Variants in CFAP65 observed in about 807,000 individuals in gnomAD.
CFAP65 encodes the protein cilia- and flagella-associated protein 65.
CFAP65 carries 155 observed loss-of-function variants against 208.0 expected under a neutral mutation model. That is an observed-to-expected ratio of 0.75 (90% CI 0.65 to 0.85). The LOEUF is 0.85. Among genes scored for constraint, CFAP65 ranks in the 40% least tolerant of loss-of-function variants. The pLI, the probability that CFAP65 is intolerant of heterozygous loss-of-function variation, is 0.00. For missense variants in CFAP65, 2,294 were observed against 2,451.3 expected (o/e 0.94, Z 1.36); for synonymous variants, 970 against 986.3 (o/e 0.98, Z 0.31).
At position 219,010,730 on chromosome 2, in the gene CFAP65, G is replaced by A. The variant is rs775576428; in HGVS notation, c.4150-26C>T. 5 of 1,594,520 alleles carry A rather than the reference G, an allele frequency of 3.1e-6. No homozygotes were observed. The African/African-American group carries it at 4.0e-5, about 13-fold the overall frequency. ...CTGGGGAGTTAGGAGGGTGGGGGTA[G>A]GGACTGGTCAGAGGGAGGCCTGCTG... On this transcript the variant is annotated intron_variant, in intron 25 of 34. Transcript: ENST00000341552.
intron 29 of CFAP65, among the ~76,000 whole-genome samples, chr2:219,008,642 G>A (rs964940935): frequency 1.3e-5 from 2 of 152,308 alleles, no homozygotes; most frequent in East Asian, 3.9e-4. Flanking sequence ...CTACTCAGGA[G>A]GCTGAGGCTG....
At chr2:219,019,467 C>T in intron 20 of CFAP65, 39 bp downstream of exon 20, 1 of 1,552,824 alleles carries the variant, frequency 6.4e-7, no homozygotes, top group Non-Finnish European at 8.8e-7. Flanking sequence ...TAGATAGGCC[C>T]TGCCCCCAGC....
intron 21 of CFAP65, among the ~76,000 whole-genome samples, chr2:219,016,697 C>T (rs1427099897): frequency 6.6e-6 from 1 of 152,202 alleles, no homozygotes; most frequent in East Asian, 1.9e-4. Flanking sequence ...ACAACGGCCT[C>T]CCAACATGTC....
At chr2:219,028,989 C>T (rs537212570) in intron 11 of CFAP65, among the ~76,000 whole-genome samples, 2 of 152,348 alleles carry the variant, frequency 1.3e-5, no homozygotes, top group South Asian at 4.1e-4. Context: ...TGCCCAGGGA[C>T]CTAGGGTTGG....
intron 12 of CFAP65, 53 bp downstream of exon 12, chr2:219,028,148 G>A (rs1947773246): frequency 6.3e-6 from 10 of 1,593,832 alleles, no homozygotes; most frequent in Non-Finnish European, 8.6e-6. Context: ...GGGGGCATGG[G>A]ATTGCCCAAG....
intron 9 of CFAP65, 108 bp downstream of exon 9, chr2:219,030,581 G>T: frequency 1.4e-6 from 2 of 1,423,500 alleles, no homozygotes; most frequent in Non-Finnish European, 1.9e-6. Flanking sequence ...CATGAGGCTT[G>T]GGGCCAAAGG....
intron 21 of CFAP65, among the ~76,000 whole-genome samples, chr2:219,016,763 G>T (rs919069817): frequency 2.6e-5 from 4 of 152,206 alleles, no homozygotes; most frequent in African/African-American, 9.7e-5. Flanking sequence ...GACAGGTCTT[G>T]AAAGCTGATC....
chr2:219,015,246 G>C (rs1043753806), intron 21 of CFAP65: 4 of 146,898 alleles, frequency 2.7e-5, no homozygotes, highest in African/African-American at 1.0e-4. Context: ...ACACACTTGA[G>C]AGGAAGTGCA....
intron 2 of CFAP65, 49 bp from the exon 3 acceptor site, chr2:219,039,099 G>C: frequency 8.0e-6 from 12 of 1,501,956 alleles, no homozygotes; most frequent in Non-Finnish European, 9.0e-6. Flanking sequence ...CAGAGCAGAG[G>C]GATCCTCGAT....
intron 4 of CFAP65, among the ~76,000 whole-genome samples, chr2:219,037,640 A>T (rs956986700): frequency 6.6e-6 from 1 of 152,178 alleles, no homozygotes; most frequent in Non-Finnish European, 1.5e-5. Context: ...TTCTCCCTTC[A>T]TCCCATCTTC....
intron 24 of CFAP65, 52 bp from the exon 25 acceptor site, chr2:219,011,048 C>A: frequency 6.5e-7 from 1 of 1,527,058 alleles, no homozygotes; most frequent in South Asian, 1.2e-5. Context: ...CACTGCAAAT[C>A]AGAAAGCCTG....
chr2:219,009,213 C>G (rs534148697), intron 28 of CFAP65, 59 bp from the exon 29 acceptor site: 1 of 1,528,194 alleles, frequency 6.5e-7, no homozygotes, highest in African/African-American at 1.4e-5. Context: ...GGGGCCTATG[C>G]TGTGAGCCCT....
chr2:219,019,487 C>A lies in CFAP65; in HGVS notation c.3473+19G>T. 2 of 1,601,208 alleles carry A rather than the reference C, an allele frequency of 1.2e-6. No individual in the cohort carries two copies. The highest frequency in any genetic ancestry group is 2.2e-5 in the East Asian group (1 of 44,470). ...AGGCCCTGCCCCCAGCCCCCACCCC[C>A]ACTCCAGGCTCAGCTCACCTGTGCC... is the stretch of plus-strand genomic sequence containing the variant. On this transcript the variant is annotated intron_variant, in intron 20 of 34. Transcript: ENST00000341552.
Position 219,009,344 on chromosome 2 carries a change from T to C in CFAP65, c.4566+3A>G, listed in dbSNP as rs1946265901. 1 of 1,609,044 alleles carries C rather than the reference T, an allele frequency of 6.2e-7. No homozygotes were observed. Among genetic ancestry groups the C allele is most frequent in the Non-Finnish European group, 8.5e-7 (1 of 1,176,562 alleles). On this transcript the variant is annotated splice_donor_region_variant and intron_variant, in intron 28 of 34. Coordinates refer to ENST00000341552, the MANE Select transcript of CFAP65 (RefSeq NM_194302.4). Reference sequence around the variant, plus strand: ...CCACTTTACCCCTGGGGCTGGTTCCTACCTTGCATACCAGGTCTGCACTGT... The same window carrying C: ...CCACTTTACCCCTGGGGCTGGTTCCCACCTTGCATACCAGGTCTGCACTGT...
chr2:219,024,300 C>T (rs9653350), intron 14 of CFAP65, 40 bp from the exon 15 acceptor site: 1 of 1,580,766 alleles, frequency 6.3e-7, no homozygotes, highest in Non-Finnish European at 8.6e-7. Context: ...CCCGCTCAGA[C>T]CTCCACCCTG....
In CFAP65 at chr2:219,022,233, G is replaced by A. The variant is rs1304224453; in HGVS notation, c.2917C>T (p.Pro973Ser). Residue 973 changes from proline (P) to serine (S), a missense_variant, in exon 17 of 35, where the codon CCC becomes TCC. Physicochemically the swap from Pro to Ser is moderately conservative, Grantham distance 74 (BLOSUM62 -1). Around this residue, in one of 2 missense-constraint regions of CFAP65, gnomAD observed 1,427 missense variants for 1,438.7 expected, o/e 0.99. Transcript: ENST00000341552. Reference sequence around the variant, plus strand: ...AGCATGTAGTGGGTGGTGGCAGCGGGGTTGGCATTTGGGGACAGGCCGGCT... The same window carrying A: ...AGCATGTAGTGGGTGGTGGCAGCGGAGTTGGCATTTGGGGACAGGCCGGCT... The part of the protein sequence containing the change: ...WEAGLSPNAN[P>S]AATTHYMLRL... The A allele has an allele frequency of 6.2e-7, 1 of 1,606,714 alleles. No individual in the cohort carries two copies. The highest frequency in any genetic ancestry group is 8.5e-7 in the Non-Finnish European group (1 of 1,176,932).
Position 219,003,826 on chromosome 2 carries a change from C to A in CFAP65, c.5555+126G>T. 1 of 1,174,866 alleles carries A rather than the reference C, an allele frequency of 8.5e-7. No individual in the cohort carries two copies. Among genetic ancestry groups the A allele is most frequent in the South Asian group, 1.5e-5 (1 of 67,654 alleles). The allele number at this position is 1,174,866 out of a possible 1,614,324, so 72.8% of individuals were successfully genotyped here. On this transcript the variant is annotated intron_variant, in intron 33 of 34. Transcript: ENST00000341552. This position sits in a 1 kb window ranked among gnomAD's most constrained non-coding sequence, Gnocchi z 4.4. Reference sequence around the variant, plus strand: ...AGAGGCCTTAAGCTACCAACATGACCTCACTAAGCACTGAATTAGGATGAG... The same window carrying A: ...AGAGGCCTTAAGCTACCAACATGACATCACTAAGCACTGAATTAGGATGAG...
In CFAP65 at chr2:219,029,547, G is replaced by A; in HGVS notation, c.1506C>T (p.Ala502=). 6.2e-7 allele frequency: 1 copy of A among 1,614,106 alleles called. No individual in the cohort carries two copies. The highest frequency in any genetic ancestry group is 8.5e-7 in the Non-Finnish European group (1 of 1,180,016). ...QSDCTAHFQF[A]IDCLESVFTI... is the part of the protein sequence containing the mutation. ...TAAAGACACTCTCCAAGCAGTCGAT[G>A]GCAAACTGGAAGTGGGCCGTGCAGT... Residue 502 remains alanine, a synonymous_variant, in exon 11 of 35, where the codon GCC becomes GCT. Coordinates refer to ENST00000341552, the MANE Select transcript of CFAP65 (RefSeq NM_194302.4).
chr2:219,004,541 G>A lies in CFAP65; in HGVS notation c.5052-86C>T. On this transcript the variant is annotated intron_variant, in intron 32 of 34. Coordinates refer to ENST00000341552, the MANE Select transcript of CFAP65 (RefSeq NM_194302.4). This position sits in a 1 kb window ranked among gnomAD's most constrained non-coding sequence, Gnocchi z 4.7. The stretch of plus-strand genomic sequence containing the variant: ...CTGGCTTCAGAGCTAGGTTCTAGGT[G>A]GGAAAGGGGCTGCTAGGTGGGGAGA... 6.9e-7 allele frequency: 1 copy of A among 1,448,372 alleles called. No individual in the cohort carries two copies. Among genetic ancestry groups the A allele is most frequent in the South Asian group, 1.4e-5 (1 of 72,768 alleles). The allele number at this position is 1,448,372 out of a possible 1,614,324, so 89.7% of individuals were successfully genotyped here. A position where few individuals can be genotyped will look rare whatever the true frequency, so the allele number is the denominator to read the frequency against.
Sources: allele counts gnomAD v4.1 joint callset (sites outside exome capture counted in the v4.1 genomes callset), GRCh38; gene constraint gnomAD v4.1.1; regional missense constraint gnomAD v4.1.1; non-coding constraint Gnocchi (gnomAD v3.1); transcripts MANE v1.5; gene names NCBI Gene and HGNC (gene_info 2026-07-23, HGNC 2026-07-21).